The following NEDD4 variants were observed in gnomAD, a reference collection of about 807,000 sequenced individuals.
NEDD4 encodes the protein E3 ubiquitin-protein ligase NEDD4.
NEDD4 carries 99 observed loss-of-function variants against 144.9 expected under a neutral mutation model. The ratio of observed to expected loss-of-function variants is 0.68; its 90% CI spans 0.58 to 0.81. The LOEUF is 0.81. Among genes scored for constraint, NEDD4 ranks in the 30% least tolerant of loss-of-function variants. The pLI is 0.00. For missense variants in NEDD4, 985 were observed against 1,065.9 expected (o/e 0.92, Z 1.06); for synonymous variants, 318 against 350.6 (o/e 0.91, Z 1.04).
rs376746187 is a variant in NEDD4, at chr15:55,957,810, A to G, written c.120-6221T>C. 2.0e-4 allele frequency among the ~76,000 whole-genome samples: 31 copies of G among 152,362 alleles called. No homozygotes were observed. In the East Asian group the frequency reaches 5.4e-3, roughly 27 times the overall value. On this transcript the variant is annotated intron_variant, in intron 2 of 28. Transcript: ENST00000435532. ...TGCAGCCATAAAAAAGGATGAGTTC[A>G]TGTCCTTTGCAGGGACATGGGTGAA...
chr15:55,840,814 G>T, intron 19 of NEDD4, 87 bp from the exon 20 acceptor site: 1 of 1,310,686 alleles, frequency 7.6e-7, no homozygotes, highest in Non-Finnish European at 1.1e-6. Context: ...TTTAAGAGTT[G>T]TTTACCACTG....
chr15:55,976,671 C>G (rs899677396), intron 1 of NEDD4, among the ~76,000 whole-genome samples: 4 of 150,232 alleles, frequency 2.7e-5, no homozygotes, highest in African/African-American at 9.8e-5. Flanking sequence ...GCTCTGTGGC[C>G]CAGGCTGGAG....
At chr15:55,849,164 A>G (rs1274732137) in intron 14 of NEDD4, among the ~76,000 whole-genome samples, 2 of 152,206 alleles carry the variant, frequency 1.3e-5, no homozygotes, top group Non-Finnish European at 2.9e-5. Flanking sequence ...GTCACTATAT[A>G]GGGCTTTTCT....
At chr15:55,905,414 A>G (rs1410238919) in intron 5 of NEDD4, 3 of 384,622 alleles carry the variant, frequency 7.8e-6, no homozygotes, top group Admixed American at 3.6e-5. Context: ...ACATAATTAC[A>G]GAACCTCCAG....
intron 4 of NEDD4, 113 bp downstream of exon 4, chr15:55,951,263 T>G (rs1276758827): frequency 1.9e-6 from 1 of 537,422 alleles, no homozygotes; most frequent in African/African-American, 2.0e-5. Flanking sequence ...TTTCACAACT[T>G]TAGGCAAATT....
intron 5 of NEDD4, among the ~76,000 whole-genome samples, chr15:55,882,498 T>C (rs982269409): frequency 6.6e-6 from 1 of 152,230 alleles, no homozygotes. Flanking sequence ...GGTGGAGAAT[T>C]GTCCATCCTA....
intron 8 of NEDD4, among the ~76,000 whole-genome samples, chr15:55,868,213 A>G (rs1174243433): frequency 6.6e-6 from 1 of 152,212 alleles, no homozygotes; most frequent in African/African-American, 2.4e-5. Context: ...CATGTGAGGT[A>G]GAGCCTAGCC....
chr15:55,866,031 A>G (rs2034574666), intron 8 of NEDD4, among the ~76,000 whole-genome samples: 1 of 152,018 alleles, frequency 6.6e-6, no homozygotes, highest in Admixed American at 6.6e-5. Context: ...TCTTGAGCTC[A>G]AGCAATCTTC....
intron 1 of NEDD4, among the ~76,000 whole-genome samples, chr15:55,980,932 CATAAT>C (rs1305518742): frequency 7.3e-5 from 11 of 151,332 alleles, no homozygotes; most frequent in Non-Finnish European, 1.3e-4. Context: ...TAATTATAAA[CATAAT>C]ATAGTGATTC....
At chr15:55,918,972 G>A (rs1234276343) in intron 5 of NEDD4, among the ~76,000 whole-genome samples, 5 of 152,098 alleles carry the variant, frequency 3.3e-5, no homozygotes, top group African/African-American at 1.2e-4. Context: ...AGATCTAATT[G>A]TTCATGTCTG....
intron 5 of NEDD4, among the ~76,000 whole-genome samples, chr15:55,903,594 G>A (rs1326394171): frequency 6.6e-6 from 1 of 152,064 alleles, no homozygotes; most frequent in African/African-American, 2.4e-5. Context: ...GGAGGCCGAG[G>A]TGGGTGGATC....
At chr15:55,919,761 T>C (rs1299839633) in intron 5 of NEDD4, among the ~76,000 whole-genome samples, 2 of 152,208 alleles carry the variant, frequency 1.3e-5, no homozygotes, top group South Asian at 4.1e-4. Flanking sequence ...TTCAGAGCTG[T>C]TGGTTACTGA....
chr15:55,856,022 G>A (rs2034179420), intron 12 of NEDD4, 109 bp downstream of exon 12: 2 of 841,360 alleles, frequency 2.4e-6, no homozygotes, highest in African/African-American at 1.7e-5. Context: ...TACATTCTGT[G>A]CTGTATTGGC....
chr15:55,915,789 C>T (rs774337431), intron 5 of NEDD4: 1 of 1,613,616 alleles, frequency 6.2e-7, no homozygotes, highest in East Asian at 2.2e-5. Flanking sequence ...CTGTAACGAG[C>T]CCTTCCTGTG....
At chr15:55,915,515 C>T (rs1217617133) in intron 5 of NEDD4, 1 of 1,613,822 alleles carries the variant, frequency 6.2e-7, no homozygotes, top group South Asian at 1.1e-5. Flanking sequence ...GTGGTCTTTC[C>T]AATTCTCCAT....
intron 4 of NEDD4, among the ~76,000 whole-genome samples, chr15:55,931,672 A>G (rs2142251271): frequency 6.6e-6 from 1 of 152,384 alleles, no homozygotes; most frequent in Admixed American, 6.5e-5. Flanking sequence ...TATTGTGTTC[A>G]TAAAGAAACT....
intron 2 of NEDD4, 25 bp from the exon 3 acceptor site, chr15:55,951,614 A>G: frequency 7.0e-7 from 1 of 1,426,536 alleles, no homozygotes; most frequent in South Asian, 1.5e-5. Flanking sequence ...AAAAAAAAGA[A>G]AGAAAAATTT....
rs185796666 is a variant in NEDD4 at position 55,836,496 on chromosome 15, A to G, written c.2262+1293T>C. On this transcript the variant is annotated intron_variant, in intron 24 of 28. Transcript: ENST00000435532. ...ATCCTCCAGCCTCAGCCTCCCAAGT[A>G]GCTGTGACCATATGCACATGCCATG... 1.0e-3 allele frequency among the ~76,000 whole-genome samples: 158 copies of G among 151,798 alleles called. 1 individual carries two copies. Among genetic ancestry groups the G allele is most frequent in the Non-Finnish European group, 2.4e-4 (16 of 67,904 alleles).
chr15:55,892,004 G>A (rs1174851787), intron 5 of NEDD4, among the ~76,000 whole-genome samples: 2 of 152,086 alleles, frequency 1.3e-5, no homozygotes, highest in South Asian at 2.1e-4. Flanking sequence ...GGTGGCTCAT[G>A]CCTGTAATCC....
Sources: gnomAD v4.1 joint callset for allele counts (sites outside exome capture counted in the v4.1 genomes callset) on GRCh38, gnomAD v4.1.1 for gene constraint, MANE v1.5 for transcripts, NCBI Gene and HGNC (gene_info 2026-07-23, HGNC 2026-07-21) for gene names.